MAGI2: variants seen among roughly 807,000 people sequenced by gnomAD.
The protein encoded by MAGI2 is membrane-associated guanylate kinase, WW and PDZ domain-containing protein 2.
In MAGI2, 35 loss-of-function variants were observed where a neutral mutation model predicts 133.3. That is an observed-to-expected ratio of 0.26 (90% CI 0.20 to 0.35). The LOEUF (loss-of-function observed/expected upper bound fraction) is 0.35. Ranked by LOEUF, MAGI2 falls within the 10% of genes least tolerant of loss-of-function variation. The probability of loss-of-function intolerance (pLI) is 1.00; values close to 1 mark genes in which losing one functional copy is unlikely to be tolerated. For synonymous variants in MAGI2, 729 were observed against 710.6 expected (o/e 1.03, Z -0.41); for missense variants, 1,636 against 1,863.4 (o/e 0.88, Z 2.25).
At chr7:78,100,157 T>C (rs1403705593) in intron 20 of MAGI2, among the ~76,000 whole-genome samples, 5 of 152,130 alleles carry the variant, frequency 3.3e-5, no homozygotes, top group Admixed American at 1.3e-4. Flanking sequence ...GCCTATGATA[T>C]AGTACTTTGC....
At chr7:78,219,104 C>T (rs76219014) in intron 10 of MAGI2, among the ~76,000 whole-genome samples, 1,678 of 152,250 alleles carry the variant, frequency 0.011, 23 homozygotes, top group African/African-American at 0.036. Context: ...TCGTGGAGAA[C>T]GTGCCTCGTC....
chr7:78,963,980 T>C (rs1216698335), intron 2 of MAGI2, among the ~76,000 whole-genome samples: 1 of 151,976 alleles, frequency 6.6e-6, no homozygotes, highest in Non-Finnish European at 1.5e-5. Context: ...TGAGTCTGTT[T>C]GGGAGGGGAA....
intron 2 of MAGI2, among the ~76,000 whole-genome samples, chr7:78,925,394 A>G (rs1436803314): frequency 1.3e-5 from 2 of 152,084 alleles, no homozygotes; most frequent in Non-Finnish European, 2.9e-5. Flanking sequence ...TTCTACCAGC[A>G]TGTGGAATTT....
intron 21 of MAGI2, among the ~76,000 whole-genome samples, chr7:78,075,170 C>T (rs1310484404): frequency 6.6e-6 from 1 of 152,128 alleles, no homozygotes; most frequent in East Asian, 1.9e-4. Flanking sequence ...AAACCTTGGG[C>T]ACTGAGTCTC....
At chr7:78,809,649 A>G (rs1554577204) in intron 2 of MAGI2, among the ~76,000 whole-genome samples, 1 of 150,992 alleles carries the variant, frequency 6.6e-6, no homozygotes, top group African/African-American at 2.4e-5. Flanking sequence ...TTTTTTTCCT[A>G]TTACTAAATT....
chr7:78,174,746 G>T (rs749869723), intron 14 of MAGI2, among the ~76,000 whole-genome samples: 1 of 152,192 alleles, frequency 6.6e-6, no homozygotes, highest in Admixed American at 6.5e-5. Flanking sequence ...ATACCCGAAA[G>T]ACCAGCATTG....
At chr7:78,509,287 A>T (rs2150551299) in intron 4 of MAGI2, 1 of 152,360 alleles carries the variant, frequency 6.6e-6, no homozygotes, top group South Asian at 2.1e-4. Flanking sequence ...GGCACGAAAC[A>T]GACATTTATA....
At chr7:78,977,574 G>A (rs1247051089) in intron 2 of MAGI2, among the ~76,000 whole-genome samples, 1 of 151,580 alleles carries the variant, frequency 6.6e-6, no homozygotes, top group Non-Finnish European at 1.5e-5. Context: ...AAAATGTAAT[G>A]AAATAAAAAA....
intron 12 of MAGI2, 88 bp from the exon 13 acceptor site, chr7:78,185,758 T>C (rs900176206): frequency 1.0e-6 from 1 of 978,928 alleles, no homozygotes; most frequent in Non-Finnish European, 1.6e-6. Flanking sequence ...CTATCATAAC[T>C]CCCCCAACCA....
chr7:78,130,259 T>C (rs1300082435), intron 18 of MAGI2, among the ~76,000 whole-genome samples: 1 of 152,114 alleles, frequency 6.6e-6, no homozygotes, highest in Non-Finnish European at 1.5e-5. Context: ...GAGAAGTGTA[T>C]GGGTGTCATG....
At chr7:78,638,895 GATA>G (rs1157367335) in intron 2 of MAGI2, among the ~76,000 whole-genome samples, 2 of 152,162 alleles carry the variant, frequency 1.3e-5, no homozygotes, top group East Asian at 1.9e-4. Context: ...TTATTTAGCA[GATA>G]ATGTTTCAAG....
intron 3 of MAGI2, among the ~76,000 whole-genome samples, chr7:78,539,197 A>G (rs1798209426): frequency 2.0e-5 from 3 of 152,160 alleles, no homozygotes; most frequent in African/African-American, 7.2e-5. Context: ...TTCTATGTCA[A>G]TTTTGCTGAA....
At chr7:79,286,529 C>T (rs116400370) in intron 1 of MAGI2, among the ~76,000 whole-genome samples, 2,086 of 152,048 alleles carry the variant, frequency 0.014, 43 homozygotes, top group African/African-American at 0.047. Context: ...ATCAATGATG[C>T]AAATTGACAG....
chr7:79,379,977 A>G (rs113886533), intron 1 of MAGI2, among the ~76,000 whole-genome samples: 22,382 of 151,316 alleles, frequency 0.15, 1,810 homozygotes, highest in East Asian at 0.29. Context: ...CCTTCCTTAC[A>G]TCTTACACAA....
chr7:78,502,425 G>A (rs1034512886), intron 4 of MAGI2, among the ~76,000 whole-genome samples: 2 of 152,106 alleles, frequency 1.3e-5, no homozygotes, highest in African/African-American at 4.8e-5. Flanking sequence ...ATCCGGAAAG[G>A]AACACAGCTC....
intron 1 of MAGI2, among the ~76,000 whole-genome samples, chr7:79,405,608 T>C (rs1265326755): frequency 6.6e-6 from 1 of 152,160 alleles, no homozygotes; most frequent in African/African-American, 2.4e-5. Flanking sequence ...GTATGTTTCT[T>C]GTTATATTTG....
At chr7:78,992,580 T>C (rs1805896438) in intron 2 of MAGI2, among the ~76,000 whole-genome samples, 1 of 152,076 alleles carries the variant, frequency 6.6e-6, no homozygotes, top group South Asian at 2.1e-4. Flanking sequence ...CCTATTTGGA[T>C]ACCTAAAATA....
chr7:79,046,470 C>G (rs1484009966), intron 1 of MAGI2, among the ~76,000 whole-genome samples: 1 of 152,194 alleles, frequency 6.6e-6, no homozygotes, highest in Non-Finnish European at 1.5e-5. Flanking sequence ...GTTGAAGTCA[C>G]CCAGTTTGGC....
chr7:78,083,088 G>T (rs1816158470), intron 20 of MAGI2, among the ~76,000 whole-genome samples: 1 of 151,996 alleles, frequency 6.6e-6, no homozygotes, highest in Non-Finnish European at 1.5e-5. Context: ...GCAGTGGCCA[G>T]TGTGTGACAA....
Sources: gnomAD v4.1 joint callset for allele counts (sites outside exome capture counted in the v4.1 genomes callset) on GRCh38, gnomAD v4.1.1 for gene constraint, MANE v1.5 for transcripts, NCBI Gene and HGNC (gene_info 2026-07-23, HGNC 2026-07-21) for gene names.